Variants in DNAH7 observed in about 807,000 individuals in gnomAD.
DNAH7 encodes the protein dynein axonemal heavy chain 7.
Under a neutral mutation model 444.6 loss-of-function variants are expected in DNAH7, and 397 were observed. The ratio of observed to expected loss-of-function variants is 0.89; its 90% CI spans 0.82 to 0.97. DNAH7 has a LOEUF of 0.97. Ranked by LOEUF, DNAH7 falls within the 50% of genes least tolerant of loss-of-function variation. DNAH7 has a pLI of 0.00. For synonymous variants in DNAH7, 1,636 were observed against 1,624.4 expected, an observed-to-expected ratio of 1.01 and a Z score of -0.17; for missense variants, 4,902 against 4,800.8, an observed-to-expected ratio of 1.02 and a Z score of -0.62.
chr2:196,002,882 C>T (rs988232389), intron 10 of DNAH7, among the ~76,000 whole-genome samples: 3 of 151,844 alleles, frequency 2.0e-5, no homozygotes, highest in Non-Finnish European at 2.9e-5. Flanking sequence ...GTGGTGAGTG[C>T]CTGTAATCCC....
At position 195,924,987 on chromosome 2, in the gene DNAH7, C is replaced by T. The variant is rs954962745; in HGVS notation, c.3613-1180G>A. 2.0e-5 allele frequency among the ~76,000 whole-genome samples: 3 copies of T among 152,252 alleles called. No homozygotes were observed. In the East Asian group the frequency reaches 5.8e-4, roughly 29 times the overall value. ...AAACTGTACACCACGGAGTTTATTT[C>T]ACTCTGTTACAGCCATTGCTAAGTG... On this transcript the variant is annotated intron_variant, in intron 22 of 64. Coordinates refer to ENST00000312428, the MANE Select transcript of DNAH7 (RefSeq NM_018897.3).
At chr2:196,040,731 A>T (rs4500968) in intron 5 of DNAH7, among the ~76,000 whole-genome samples, 2 of 152,052 alleles carry the variant, frequency 1.3e-5, no homozygotes, top group East Asian at 1.9e-4. Context: ...GAGCAATTAC[A>T]CAAGATAAAG....
intron 38 of DNAH7, among the ~76,000 whole-genome samples, chr2:195,875,215 G>A (rs1700978545): frequency 6.6e-6 from 1 of 152,144 alleles, no homozygotes; most frequent in Non-Finnish European, 1.5e-5. Flanking sequence ...AATGGGACTT[G>A]ATTTGGGGTA....
In DNAH7 at chr2:195,817,730, G is replaced by C; in HGVS notation, c.9391C>G (p.Gln3131Glu). The C allele has an allele frequency of 6.2e-7, 1 of 1,612,796 alleles. No individual in the cohort carries two copies. Among genetic ancestry groups the C allele is most frequent in the East Asian group, 2.2e-5 (1 of 44,802 alleles). ...TCAGCTCCTTGTAATATCAAGGCTTGCTTTTCTTCTTCAAGGTCTGGCCTT... is the reference window on the plus strand; with the variant it reads ...TCAGCTCCTTGTAATATCAAGGCTTCCTTTTCTTCTTCAAGGTCTGGCCTT... ...QERPDLEEEK[Q>E]ALILQGAENK... is the part of the protein sequence containing the mutation. The change falls in exon 50 of 65, where the codon CAA (glutamine) becomes GAA (glutamate). Residue 3131 changes from glutamine to glutamate, a missense_variant. Transcript: ENST00000312428.
chr2:195,779,153 CTTT>C (rs536055808), intron 58 of DNAH7, among the ~76,000 whole-genome samples: 1 of 151,998 alleles, frequency 6.6e-6, no homozygotes, highest in African/African-American at 2.4e-5. Context: ...AGACTGTACA[CTTT>C]TTTTTCCACA....
intron 25 of DNAH7, 139 bp from the exon 26 acceptor site, chr2:195,907,148 G>T: frequency 1.6e-6 from 1 of 614,254 alleles, no homozygotes. Context: ...TTTAAAGGCA[G>T]CTGATTTTTT....
rs554840431 is a variant in DNAH7 at position 196,008,705 on chromosome 2, G to A, written c.989+4082C>T. ...TAAATGACCATATATTCACTGAGAC[G>A]AAATGTCCAGAGTAGGGAAATTCAT... On this transcript the variant is annotated intron_variant, in intron 10 of 64. Coordinates refer to ENST00000312428, the MANE Select transcript of DNAH7 (RefSeq NM_018897.3). Among the ~76,000 whole-genome samples, 496 of 152,216 alleles carry A rather than the reference G, an allele frequency of 3.3e-3. 3 individuals are homozygous for A. Among genetic ancestry groups the A allele is most frequent in the African/African-American group, 0.011 (438 of 41,550 alleles).
chr2:195,806,977 A>C (rs1241860536), intron 53 of DNAH7, 145 bp from the exon 54 acceptor site: 4 of 563,510 alleles, frequency 7.1e-6, no homozygotes, highest in African/African-American at 1.9e-5. Context: ...TTGGGACATT[A>C]TAAAATAAAT....
chr2:196,014,854 T>C (rs1305457217), intron 9 of DNAH7, among the ~76,000 whole-genome samples: 1 of 152,192 alleles, frequency 6.6e-6, no homozygotes, highest in East Asian at 1.9e-4. Flanking sequence ...CTTGCTTTTT[T>C]CACTGAATAT....
chr2:195,912,530 G>A (rs899410788), intron 24 of DNAH7, among the ~76,000 whole-genome samples: 2 of 152,156 alleles, frequency 1.3e-5, no homozygotes, highest in Non-Finnish European at 2.9e-5. Flanking sequence ...ATCCCCAAAA[G>A]AGGGTCTGTG....
chr2:195,739,181 C>T (rs1692837443), intron 64 of DNAH7, among the ~76,000 whole-genome samples: 1 of 152,236 alleles, frequency 6.6e-6, no homozygotes, highest in African/African-American at 2.4e-5. Flanking sequence ...GAAAGAAAGA[C>T]TAAATTTCGA....
chr2:195,895,186 T>C lies in DNAH7; in HGVS notation c.4686A>G (p.Pro1562=). ...TSDLFPGVKL[P]KPDYNDLLAA... ...CCAGCAAATCATTGTAATCTGGTTT[T>C]GGTAATTTTACCCCAGGAAACAAAT... The change falls in exon 30 of 65, where the codon CCA becomes CCG. Residue 1562 remains proline (P), a synonymous_variant. Coordinates refer to ENST00000312428, the MANE Select transcript of DNAH7 (RefSeq NM_018897.3). 2.5e-6 allele frequency: 4 copies of C among 1,611,560 alleles called. No homozygotes were observed. The highest frequency in any genetic ancestry group is 3.4e-6 in the Non-Finnish European group (4 of 1,178,386).
At chr2:195,770,129 A>T (rs983279887) in intron 61 of DNAH7, among the ~76,000 whole-genome samples, 11 of 152,142 alleles carry the variant, frequency 7.2e-5, no homozygotes, top group African/African-American at 2.7e-4. Context: ...ATAACTCATA[A>T]GCAGCCACCT....
intron 51 of DNAH7, among the ~76,000 whole-genome samples, chr2:195,810,801 A>G (rs1696934032): frequency 6.6e-6 from 1 of 152,200 alleles, no homozygotes; most frequent in South Asian, 2.1e-4. Flanking sequence ...AATACAGTTG[A>G]ATTCTTAGAA....
chr2:195,794,428 T>C lies in DNAH7; in HGVS notation c.10626A>G (p.Glu3542=), dbSNP rs758263020. ...VLQNGVKMTN[E]APKGLRANII... ...TATTAGCCCGTAAACCTTTTGGTGC[T>C]TCATTGGTCATTTTCACTCCATTCT... Residue 3542 remains glutamate, a synonymous_variant, in exon 57 of 65, where the codon GAA becomes GAG. Transcript: ENST00000312428. 18 of 1,614,054 alleles carry C rather than the reference T, an allele frequency of 1.1e-5. No homozygotes were observed. In the East Asian group the frequency reaches 4.0e-4, roughly 36 times the overall value.
chr2:195,765,948 A>G (rs1013175325), intron 61 of DNAH7, among the ~76,000 whole-genome samples: 15 of 152,114 alleles, frequency 9.9e-5, no homozygotes, highest in African/African-American at 3.6e-4. Flanking sequence ...CGCACTACTC[A>G]CAAAAGCCAA....
In DNAH7 at chr2:195,895,139, G is replaced by T; in HGVS notation, c.4733C>A (p.Ala1578Asp). 6.2e-7 allele frequency: 1 copy of T among 1,613,486 alleles called. No individual in the cohort carries two copies. Among genetic ancestry groups the T allele is most frequent in the Non-Finnish European group, 8.5e-7 (1 of 1,179,674 alleles). ...DLLAAIKDNC[A>D]SMNLQMTAFF... ...TGCAGTCATTTGCAAATTCATGGAG[G>T]CACAATTGTCTTTGATAGCTGCCAG... Residue 1578 changes from alanine to aspartate, a missense_variant, in exon 30 of 65, where the codon GCC (alanine) becomes GAC (aspartate). By Grantham distance (126) the Ala-to-Asp change is moderately radical. Transcript: ENST00000312428.
intron 17 of DNAH7, among the ~76,000 whole-genome samples, chr2:195,965,714 A>C (rs576369173): frequency 6.6e-6 from 1 of 152,192 alleles, no homozygotes; most frequent in South Asian, 2.1e-4. Flanking sequence ...GTATCTAGGA[A>C]TTTAAGCATT....
chr2:196,057,737 C>CA (rs1167828543), intron 2 of DNAH7, among the ~76,000 whole-genome samples: 1 of 152,180 alleles, frequency 6.6e-6, no homozygotes, highest in Non-Finnish European at 1.5e-5. Flanking sequence ...CACTTAAACT[C>CA]AACTTCTGTA....
Sources: allele counts gnomAD v4.1 joint callset (sites outside exome capture counted in the v4.1 genomes callset), GRCh38; gene constraint gnomAD v4.1.1; transcripts MANE v1.5; gene names NCBI Gene and HGNC (gene_info 2026-07-23, HGNC 2026-07-21).